The following UQCC5 variants were observed in gnomAD, a reference collection of about 807,000 sequenced individuals.
UQCC5 encodes ubiquinol-cytochrome c reductase complex assembly factor 5.
the UQCC5 span, among the ~76,000 whole-genome samples, chr3:52,539,638 ATT>A: frequency 0.021 from 2,908 of 139,642 alleles, 97 homozygotes; most frequent in African/African-American, 0.069. Context: ...AAGGAAGAAG[ATT>A]TTTTTTTTTT....
At chr3:52,536,687 G>C in the UQCC5 span, 7 of 1,534,118 alleles carry the variant, frequency 4.6e-6, no homozygotes, top group Non-Finnish European at 6.2e-6. Flanking sequence ...CGGGCGGGGC[G>C]GTCTCGGCTG....
At chr3:52,536,881 A>G in the UQCC5 span, 1 of 1,551,634 alleles carries the variant, frequency 6.4e-7, no homozygotes, top group Non-Finnish European at 8.7e-7. Context: ...TCATGATTAA[A>G]GTGCGCGTGG....
At chr3:52,538,511 G>A in the UQCC5 span, among the ~76,000 whole-genome samples, 1 of 152,138 alleles carries the variant, frequency 6.6e-6, no homozygotes, top group Non-Finnish European at 1.5e-5. Flanking sequence ...GCCCAGGCTG[G>A]AGTGCAGTGG....
At chr3:52,537,552 A>C in the UQCC5 span, among the ~76,000 whole-genome samples, 1 of 152,178 alleles carries the variant, frequency 6.6e-6, no homozygotes, top group Admixed American at 6.5e-5. Flanking sequence ...CATTTTAAAG[A>C]ATTGTTACAT....
chr3:52,537,621 C>G, the UQCC5 span, among the ~76,000 whole-genome samples: 1 of 152,332 alleles, frequency 6.6e-6, no homozygotes, highest in Middle Eastern at 3.4e-3. Flanking sequence ...ACTTAATGAG[C>G]ATTCTTGAGG....
chr3:52,540,019 C>T, the UQCC5 span, among the ~76,000 whole-genome samples: 1 of 152,208 alleles, frequency 6.6e-6, no homozygotes, highest in Non-Finnish European at 1.5e-5. Flanking sequence ...GATCTCCTCT[C>T]CCCACCTGAA....
At chr3:52,539,452 T>C in the UQCC5 span, among the ~76,000 whole-genome samples, 2 of 151,776 alleles carry the variant, frequency 1.3e-5, no homozygotes, top group East Asian at 3.9e-4. Context: ...CTGGAAGATG[T>C]TGAAGGTGAA....
At chr3:52,541,195 G>C in the UQCC5 span, 1 of 152,120 alleles carries the variant, frequency 6.6e-6, no homozygotes, top group Admixed American at 6.5e-5. Context: ...AAGCATCCCA[G>C]ACTTGAGCTA....
At chr3:52,537,029 G>A in the UQCC5 span, 1 of 1,333,718 alleles carries the variant, frequency 7.5e-7, no homozygotes, top group Non-Finnish European at 1.0e-6. Context: ...CTGGGCGAGT[G>A]CAGTTCCATT....
chr3:52,536,786 CTGCAGCGGG>C, the UQCC5 span: 1 of 1,551,852 alleles, frequency 6.4e-7, no homozygotes, highest in Non-Finnish European at 8.7e-7. Context: ...GAGACGGATT[CTGCAGCGGG>C]TGCCCGGGAA....
the UQCC5 span, among the ~76,000 whole-genome samples, chr3:52,537,465 G>T: frequency 1.3e-5 from 2 of 152,162 alleles, no homozygotes; most frequent in African/African-American, 2.4e-5. Context: ...TTCCTTTCAG[G>T]AGGACTTCCC....
At chr3:52,539,059 G>A in the UQCC5 span, among the ~76,000 whole-genome samples, 1 of 152,124 alleles carries the variant, frequency 6.6e-6, no homozygotes, top group African/African-American at 2.4e-5. Flanking sequence ...TGTGAAGGAA[G>A]AGAGGAAATG....
At chr3:52,536,710 C>G in the UQCC5 span, 1 of 1,549,144 alleles carries the variant, frequency 6.5e-7, no homozygotes, top group South Asian at 1.2e-5. Context: ...TCCGGGCGAT[C>G]CAGTGCTTAG....
chr3:52,538,585 TG>T, the UQCC5 span, among the ~76,000 whole-genome samples: 1 of 152,112 alleles, frequency 6.6e-6, no homozygotes, highest in South Asian at 2.1e-4. Context: ...CCTCAGCCTC[TG>T]GAGTAGCTGG....
chr3:52,539,237 G>A, the UQCC5 span, among the ~76,000 whole-genome samples: 1 of 152,152 alleles, frequency 6.6e-6, no homozygotes, highest in African/African-American at 2.4e-5. Context: ...TTGGGGTTTT[G>A]AGGGTGTGTC....
chr3:52,540,714 C>CATGG, the UQCC5 span: 3 of 415,962 alleles, frequency 7.2e-6, no homozygotes, highest in Non-Finnish European at 8.5e-6. Context: ...CCTCCTAAAA[C>CATGG]ACTCACTCGA....
the UQCC5 span, among the ~76,000 whole-genome samples, chr3:52,538,385 A>G: frequency 1.3e-5 from 2 of 152,242 alleles, no homozygotes; most frequent in African/African-American, 4.8e-5. Context: ...TCAGGAGGCA[A>G]ATCTGGGCCA....
At chr3:52,540,705 C>G in the UQCC5 span, 2 of 432,570 alleles carry the variant, frequency 4.6e-6, no homozygotes, top group Non-Finnish European at 8.1e-6. Flanking sequence ...AAATTATTTC[C>G]TCCTAAAACA....
At chr3:52,538,743 G>A in the UQCC5 span, among the ~76,000 whole-genome samples, 84 of 152,320 alleles carry the variant, frequency 5.5e-4, no homozygotes, top group African/African-American at 1.9e-3. Context: ...TTACAGGCGT[G>A]AGCCACTGCG....
Sources: allele counts gnomAD v4.1 joint callset (sites outside exome capture counted in the v4.1 genomes callset), GRCh38; gene constraint gnomAD v4.1.1; transcripts MANE v1.5; gene names NCBI Gene and HGNC (gene_info 2026-07-23, HGNC 2026-07-21).